TAL1: variants seen among roughly 807,000 people sequenced by gnomAD.
TAL1 encodes the protein T-cell acute lymphocytic leukemia protein 1.
In TAL1, 8 loss-of-function variants were observed where a neutral mutation model predicts 17.9. The ratio of observed to expected loss-of-function variants is 0.45; its 90% CI spans 0.26 to 0.81. TAL1 has a LOEUF of 0.81. Among genes scored for constraint, TAL1 ranks in the 30% least tolerant of loss-of-function variants. The pLI is 0.17. For synonymous variants in TAL1, 223 were observed against 218.6 expected (o/e 1.02, Z -0.18); for missense variants, 466 against 486.9 (o/e 0.96, Z 0.40).
At chr1:47,221,766 A>T (rs1643812937) in intron 3 of TAL1, among the ~76,000 whole-genome samples, 1 of 152,200 alleles carries the variant, frequency 6.6e-6, no homozygotes, top group African/African-American at 2.4e-5. Flanking sequence ...TGAGGCTGGG[A>T]TGGAAGCAGA....
chr1:47,222,407 T>A (rs1360104882), intron 3 of TAL1, among the ~76,000 whole-genome samples: 1 of 152,146 alleles, frequency 6.6e-6, no homozygotes, highest in Non-Finnish European at 1.5e-5. Flanking sequence ...TAAACAATAA[T>A]ATTGCCCTCA....
upstream of TAL1, chr1:47,230,825 C>CA (rs774829101): frequency 6.6e-6 from 1 of 152,206 alleles, no homozygotes; most frequent in Non-Finnish European, 1.5e-5. Flanking sequence ...GCTAGGGCCC[C>CA]ACTAACCCGG....
intron 1 of TAL1, chr1:47,228,751 C>G (rs982368865): frequency 6.2e-6 from 1 of 161,198 alleles, no homozygotes; most frequent in African/African-American, 2.4e-5. Flanking sequence ...TCGCCTCTAC[C>G]GGAGAAGAGG....
chr1:47,216,613 AC>A (rs1645500042), exon 4 of TAL1: 1 of 231,924 alleles, frequency 4.3e-6, no homozygotes, highest in Non-Finnish European at 8.5e-6. Flanking sequence ...GGCCAGACCC[AC>A]CCCCAAAAGG....
chr1:47,222,769 G>A (rs534136608), intron 3 of TAL1, among the ~76,000 whole-genome samples: 18 of 151,950 alleles, frequency 1.2e-4, no homozygotes, highest in Admixed American at 3.3e-4. Flanking sequence ...GTAGGTGCTC[G>A]GTAAATATTG....
chr1:47,230,661 G>T (rs1643995529), upstream of TAL1: 1 of 152,162 alleles, frequency 6.6e-6, no homozygotes, highest in Non-Finnish European at 1.5e-5. Context: ...AAAAAAACCC[G>T]CTGCTTTGTT....
At chr1:47,226,901 T>G (rs1272178293) in intron 1 of TAL1, among the ~76,000 whole-genome samples, 1 of 152,194 alleles carries the variant, frequency 6.6e-6, no homozygotes, top group Non-Finnish European at 1.5e-5. Flanking sequence ...CTTGGTGTTC[T>G]TTGGGAAATG....
At chr1:47,222,487 C>T (rs1261031858) in intron 3 of TAL1, among the ~76,000 whole-genome samples, 2 of 152,142 alleles carry the variant, frequency 1.3e-5, no homozygotes, top group Non-Finnish European at 2.9e-5. Context: ...GTGTCCAATA[C>T]ATGGTAGTAG....
chr1:47,232,244 G>GC (rs1644028296), upstream of TAL1: 1 of 172,282 alleles, frequency 5.8e-6, no homozygotes, highest in African/African-American at 2.4e-5. Context: ...CCCTCCCGCG[G>GC]CCCCCGCTCC....
chr1:47,217,577 A>G, exon 4 of TAL1: 1 of 398,566 alleles, frequency 2.5e-6, no homozygotes, highest in Non-Finnish European at 4.4e-6. Flanking sequence ...GGAAAAGAAA[A>G]AGTTCTTTAC....
At chr1:47,227,743 G>A (rs961313106) in intron 1 of TAL1, 4 of 152,038 alleles carry the variant, frequency 2.6e-5, no homozygotes, top group Non-Finnish European at 5.9e-5. Context: ...TCTATCCATA[G>A]AATGCAACCA....
exon 4 of TAL1, chr1:47,216,475 G>A (rs1645496835): frequency 4.3e-6 from 1 of 229,988 alleles, no homozygotes; most frequent in Admixed American, 5.7e-5. Flanking sequence ...AGAGACCAAC[G>A]CAATTCATCA....
exon 4 of TAL1, chr1:47,217,934 A>G: frequency 2.5e-6 from 1 of 396,730 alleles, no homozygotes; most frequent in Non-Finnish European, 4.4e-6. Context: ...AATTGAATGG[A>G]GAGCCTGAGT....
rs553330306 is a variant in TAL1 at position 47,225,678 on chromosome 1, C to T, written c.211G>A (p.Ala71Thr). 2.2e-3 allele frequency: 3,108 copies of T among 1,419,152 alleles called. 54 individuals are homozygous for T. The African/African-American group carries it at 0.041, about 19-fold the overall frequency. The allele number at this position is 1,419,152 out of a possible 1,614,324, so 87.9% of individuals were successfully genotyped here. A position where few individuals can be genotyped will look rare whatever the true frequency, so the allele number is the denominator to read the frequency against. ...GCGTCGCGGCCCTTTAAGTCTCTCG[C>T]GGCGCCGCCCCCACCGGCAGGGCCG... The change falls in exon 2 of 4, where the codon GCG becomes ACG. Residue 71 changes from alanine to threonine, a missense_variant. Ala to Thr is a moderately conservative substitution (Grantham distance 58). Around this residue, in one of 5 missense-constraint regions of TAL1, gnomAD observed 130 missense variants for 119.5 expected, o/e 1.09. Transcript: ENST00000294339.
At chr1:47,224,071 G>C (rs1337259302) in exon 3 of TAL1, 1 of 1,613,902 alleles carries the variant, frequency 6.2e-7, no homozygotes, top group African/African-American at 1.3e-5. Flanking sequence ...TGAACATAGG[G>C]AAGGCATCCG....
chr1:47,217,148 G>C (rs1447928070), exon 4 of TAL1: 1 of 241,144 alleles, frequency 4.1e-6, no homozygotes, highest in Non-Finnish European at 8.1e-6. Flanking sequence ...TGGAGGCAAA[G>C]GCAGGAGAAT....
At chr1:47,225,707 C>G in exon 2 of TAL1, 1 of 1,458,322 alleles carries the variant, frequency 6.9e-7, no homozygotes, top group Non-Finnish European at 9.0e-7. Context: ...AGGGCCGCCC[C>G]CCGGGCCTCC....
Position 47,224,111 on chromosome 1 carries a change from A to C in TAL1, c.447-13T>G. On this transcript the variant is annotated splice_polypyrimidine_tract_variant and intron_variant, in intron 2 of 3. Transcript: ENST00000294339. ...CCCAAAGAACCCGCTGTGGGAGGGAACGGGCAGATCACAAGATCCCATGTT... is the reference window on the plus strand; with the variant it reads ...CCCAAAGAACCCGCTGTGGGAGGGACCGGGCAGATCACAAGATCCCATGTT... The C allele has an allele frequency of 6.2e-7, 1 of 1,612,744 alleles. No individual in the cohort carries two copies. Among genetic ancestry groups the C allele is most frequent in the Non-Finnish European group, 8.5e-7 (1 of 1,179,186 alleles).
chr1:47,225,721 C>T (rs1311921861), exon 2 of TAL1: 23 of 1,485,514 alleles, frequency 1.5e-5, no homozygotes, highest in Non-Finnish European at 2.0e-5. Flanking sequence ...GGCCTCCGCG[C>T]GCGCCCAGTT....
Sources: allele counts gnomAD v4.1 joint callset (sites outside exome capture counted in the v4.1 genomes callset), GRCh38; gene constraint gnomAD v4.1.1; regional missense constraint gnomAD v4.1.1; transcripts MANE v1.5; gene names NCBI Gene and HGNC (gene_info 2026-07-23, HGNC 2026-07-21).